CEP128: variants seen among roughly 807,000 people sequenced by gnomAD.
CEP128 encodes the protein centrosomal protein 128.
CEP128 carries 132 observed loss-of-function variants against 156.7 expected under a neutral mutation model. The observed-to-expected ratio is 0.84, with a 90% CI of 0.73 to 0.97. The LOEUF (loss-of-function observed/expected upper bound fraction) is 0.97. Among genes scored for constraint, CEP128 ranks in the 50% least tolerant of loss-of-function variants. CEP128 has a pLI of 0.00. For synonymous variants in CEP128, 469 were observed against 448.9 expected (o/e 1.04, Z -0.57); for missense variants, 1,252 against 1,281.9 (o/e 0.98, Z 0.36).
chr14:80,646,040 A>T (rs1485255889), intron 19 of CEP128, among the ~76,000 whole-genome samples: 1 of 152,128 alleles, frequency 6.6e-6, no homozygotes, highest in African/African-American at 2.4e-5. Flanking sequence ...GGTTGCCAGG[A>T]GTTAGTGGGG....
At chr14:80,809,710 A>C (rs1884395266) in intron 13 of CEP128, among the ~76,000 whole-genome samples, 2 of 152,134 alleles carry the variant, frequency 1.3e-5, no homozygotes, top group South Asian at 4.1e-4. Context: ...ATGGGAAGAT[A>C]TATTTGAGGT....
At chr14:80,936,697 A>T (rs932263800) in intron 2 of CEP128, among the ~76,000 whole-genome samples, 2 of 152,216 alleles carry the variant, frequency 1.3e-5, no homozygotes, top group Non-Finnish European at 2.9e-5. Context: ...CAAAAACACA[A>T]GAAAAAGAAC....
rs373424969 is a variant in CEP128 at position 80,574,614 on chromosome 14, T to C, written c.2856+5760A>G. On this transcript the variant is annotated intron_variant, in intron 20 of 24. Coordinates refer to ENST00000555265, the MANE Select transcript of CEP128 (RefSeq NM_152446.5). ...ATCTCCAACAGTTGTGCCTGACAAC[T>C]CTACACTGGCATTCTTTATATTATA... is the stretch of plus-strand genomic sequence containing the variant. Among the ~76,000 whole-genome samples, 35 of 152,318 alleles carry C rather than the reference T, an allele frequency of 2.3e-4. 4 individuals carry two copies. The highest frequency in any genetic ancestry group is 8.5e-4 in the Admixed American group (13 of 15,296).
intron 21 of CEP128, among the ~76,000 whole-genome samples, chr14:80,549,022 A>C (rs1043690569): frequency 1.3e-5 from 2 of 152,206 alleles, no homozygotes; most frequent in African/African-American, 4.8e-5. Flanking sequence ...TTTGACCATA[A>C]ACAGTCATGT....
At chr14:80,724,360 C>T (rs1222065529) in intron 19 of CEP128, among the ~76,000 whole-genome samples, 2 of 151,874 alleles carry the variant, frequency 1.3e-5, no homozygotes, top group Non-Finnish European at 2.9e-5. Flanking sequence ...TCAATTAGTT[C>T]AATACTTAAT....
chr14:80,511,141 T>C (rs1164710865), intron 23 of CEP128, among the ~76,000 whole-genome samples: 1 of 151,840 alleles, frequency 6.6e-6, no homozygotes, highest in African/African-American at 2.4e-5. Context: ...TTTGGGAGTA[T>C]TCCCTCCTCC....
chr14:80,954,449 A>G (rs1160697401), intron 2 of CEP128, among the ~76,000 whole-genome samples: 1 of 152,210 alleles, frequency 6.6e-6, no homozygotes, highest in Non-Finnish European at 1.5e-5. Flanking sequence ...TGGAATACAC[A>G]TATTTTAAAT....
chr14:80,937,527 A>T (rs1036470550), intron 2 of CEP128, among the ~76,000 whole-genome samples: 2 of 152,152 alleles, frequency 1.3e-5, no homozygotes, highest in African/African-American at 4.8e-5. Flanking sequence ...GAGTGAATGA[A>T]TTTTTTTACA....
chr14:80,850,422 C>T (rs1288622831), intron 9 of CEP128, among the ~76,000 whole-genome samples: 1 of 152,144 alleles, frequency 6.6e-6, no homozygotes. Context: ...GACTAGTGGT[C>T]AAAACTTGTA....
At chr14:80,699,418 C>T (rs1057146771) in intron 19 of CEP128, among the ~76,000 whole-genome samples, 1 of 152,192 alleles carries the variant, frequency 6.6e-6, no homozygotes, top group Non-Finnish European at 1.5e-5. Context: ...AATGTCCTTA[C>T]TTTAAACCAG....
At chr14:80,653,285 T>C (rs891985570) in intron 19 of CEP128, among the ~76,000 whole-genome samples, 5 of 152,140 alleles carry the variant, frequency 3.3e-5, no homozygotes, top group Non-Finnish European at 7.3e-5. Flanking sequence ...TATACCTATG[T>C]AACAAACCTG....
At chr14:80,941,006 CAAA>C (rs1886121704) in intron 1 of CEP128, among the ~76,000 whole-genome samples, 1 of 152,156 alleles carries the variant, frequency 6.6e-6, no homozygotes, top group Non-Finnish European at 1.5e-5. Context: ...TTGGCTCCAT[CAAA>C]CCAATAAAAG....
At chr14:80,501,316 A>G (rs986022774) in intron 24 of CEP128, among the ~76,000 whole-genome samples, 1 of 152,144 alleles carries the variant, frequency 6.6e-6, no homozygotes, top group Non-Finnish European at 1.5e-5. Flanking sequence ...GATGACTTCA[A>G]AGGAGTGACA....
chr14:80,955,464 T>C, intron 2 of CEP128: 1 of 615,202 alleles, frequency 1.6e-6, no homozygotes, highest in South Asian at 1.9e-5. Context: ...AGCAGACTTG[T>C]TTGGGTCAAG....
intron 2 of CEP128, among the ~76,000 whole-genome samples, chr14:80,925,870 G>A (rs930522120): frequency 6.6e-6 from 1 of 152,166 alleles, no homozygotes; most frequent in African/African-American, 2.4e-5. Flanking sequence ...GGGGAGCCGA[G>A]CAATCCAGGC....
At chr14:80,797,020 G>A (rs1883527802) in intron 13 of CEP128, among the ~76,000 whole-genome samples, 1 of 152,184 alleles carries the variant, frequency 6.6e-6, no homozygotes, top group Non-Finnish European at 1.5e-5. Flanking sequence ...AAGAGGAAAT[G>A]AACAACTGAT....
chr14:80,883,927 C>A (rs556893992), intron 8 of CEP128, among the ~76,000 whole-genome samples: 1 of 152,188 alleles, frequency 6.6e-6, no homozygotes, highest in South Asian at 2.1e-4. Flanking sequence ...CACATCCATA[C>A]AATCACAGCA....
At chr14:80,955,911 C>A in intron 2 of CEP128, 1 of 1,607,666 alleles carries the variant, frequency 6.2e-7, no homozygotes, top group South Asian at 1.1e-5. Flanking sequence ...CAGAGGTGGC[C>A]CGAAGTGCAC....
intron 8 of CEP128, among the ~76,000 whole-genome samples, chr14:80,870,860 T>TA (rs534049595): frequency 1.3e-5 from 2 of 150,076 alleles, no homozygotes; most frequent in African/African-American, 2.4e-5. Flanking sequence ...AAGAGGCCCC[T>TA]AAAAAAAACT....
Sources: allele counts gnomAD v4.1 joint callset (sites outside exome capture counted in the v4.1 genomes callset), GRCh38; gene constraint gnomAD v4.1.1; transcripts MANE v1.5; gene names NCBI Gene and HGNC (gene_info 2026-07-23, HGNC 2026-07-21).